The following KIF15 variants were observed in gnomAD, a reference collection of about 807,000 sequenced individuals.
KIF15 encodes the protein kinesin family member 15.
KIF15 carries 140 observed loss-of-function variants against 190.6 expected under a neutral mutation model. The ratio of observed to expected loss-of-function variants is 0.73; its 90% CI spans 0.64 to 0.84. The LOEUF is 0.84. KIF15 is among the 40% of genes least tolerant of loss of function. The pLI is 0.00. For missense variants in KIF15, 1,372 were observed against 1,584.4 expected, an observed-to-expected ratio of 0.87 and a Z score of 2.28; for synonymous variants, 528 against 551.3, an observed-to-expected ratio of 0.96 and a Z score of 0.59.
chr3:44,762,029 G>A (rs1456158762), intron 1 of KIF15, 145 bp downstream of exon 1: 3 of 984,860 alleles, frequency 3.0e-6, no homozygotes, highest in East Asian at 2.5e-5. Context: ...TGGGAATCCC[G>A]CTCTGTCGCT....
intron 8 of KIF15, 83 bp downstream of exon 8, chr3:44,794,509 G>GTCAATGAGGAACTGCATTTATGA (rs1478146704): frequency 9.9e-7 from 1 of 1,012,934 alleles, no homozygotes; most frequent in African/African-American, 1.6e-5. Context: ...CAGTGTCTCA[G>GTCAATGAGGAACTGCATTTATGA]TCAATGAGGA....
intron 8 of KIF15, among the ~76,000 whole-genome samples, chr3:44,794,978 C>G (rs980617540): frequency 6.6e-6 from 1 of 151,868 alleles, no homozygotes; most frequent in African/African-American, 2.4e-5. Context: ...AAAAATGTAT[C>G]CGTGTTGTTA....
chr3:44,805,773 A>G (rs769163022), intron 15 of KIF15, 72 bp from the exon 16 acceptor site: 78 of 1,355,890 alleles, frequency 5.8e-5, no homozygotes, highest in Non-Finnish European at 7.1e-5. Context: ...TGAGAGCATA[A>G]ACTGTAAAGT....
At chr3:44,827,062 C>T (rs765656361) in intron 22 of KIF15, 1 of 456,714 alleles carries the variant, frequency 2.2e-6, no homozygotes, top group East Asian at 6.9e-5. Flanking sequence ...GACATTTACT[C>T]ATTTATTCAA....
At chr3:44,776,244 T>C (rs1020903663) in intron 3 of KIF15, among the ~76,000 whole-genome samples, 47 of 151,936 alleles carry the variant, frequency 3.1e-4, no homozygotes, top group African/African-American at 1.1e-3. Context: ...AGCCTTCTTT[T>C]TTTTTTTTCC....
chr3:44,812,444 A>T (rs1363475258), intron 18 of KIF15, among the ~76,000 whole-genome samples, 155 bp downstream of exon 18: 1 of 152,182 alleles, frequency 6.6e-6, no homozygotes, highest in East Asian at 1.9e-4. Flanking sequence ...GGCCTTAGTG[A>T]AGGCTTATTT....
intron 1 of KIF15, among the ~76,000 whole-genome samples, chr3:44,770,816 C>T (rs1384044558): frequency 6.6e-6 from 1 of 152,188 alleles, no homozygotes; most frequent in African/African-American, 2.4e-5. Flanking sequence ...GTATACCTTA[C>T]TCAATTATTA....
At chr3:44,844,432 A>T (rs1333890149) in intron 30 of KIF15, among the ~76,000 whole-genome samples, 1 of 152,172 alleles carries the variant, frequency 6.6e-6, no homozygotes, top group South Asian at 2.1e-4. Flanking sequence ...CCTAGTTTTC[A>T]TATGCTCCAT....
At chr3:44,782,290 G>A (rs1481700075) in intron 5 of KIF15, among the ~76,000 whole-genome samples, 5 of 152,116 alleles carry the variant, frequency 3.3e-5, no homozygotes, top group African/African-American at 9.7e-5. Flanking sequence ...TCGAACTCCC[G>A]ACCTCAAGTG....
Position 44,826,055 on chromosome 3 carries a change from C to G in KIF15, c.2566C>G (p.Leu856Val). 1.3e-6 allele frequency: 2 copies of G among 1,581,162 alleles called. No homozygotes were observed. The highest frequency in any genetic ancestry group is 2.3e-5 in the East Asian group (1 of 44,206). The part of the protein sequence containing the change: ...LDNLRLENEK[L>V]LESKACLQDS... Reference sequence around the variant, plus strand: ...CTTATAAAGGTTAGAAAACGAAAAGCTGCTTGAGAGCAAAGCCTGCCTACA... The same window carrying G: ...CTTATAAAGGTTAGAAAACGAAAAGGTGCTTGAGAGCAAAGCCTGCCTACA... The change falls in exon 21 of 35, where the codon CTG (leucine) becomes GTG (valine). Residue 856 changes from leucine (L) to valine (V), a missense_variant. Physicochemically the swap from Leu to Val is conservative, Grantham distance 32 (BLOSUM62 1). Coordinates refer to ENST00000326047, the MANE Select transcript of KIF15 (RefSeq NM_020242.3).
At position 44,786,393 on chromosome 3, in the gene KIF15, A is replaced by G; in HGVS notation, c.460-2A>G. On this transcript the variant is annotated splice_acceptor_variant, in intron 6 of 34. Transcript: ENST00000326047. LOFTEE classifies it high-confidence loss of function. Reference sequence around the variant, plus strand: ...TATCTAAATGAGGCTTCTTTTTTACAGGCTGGAGCTGGAAAGAGTTTCCTT... The same window carrying G: ...TATCTAAATGAGGCTTCTTTTTTACGGGCTGGAGCTGGAAAGAGTTTCCTT... 2 of 1,591,482 alleles carry G rather than the reference A, an allele frequency of 1.3e-6. No homozygotes were observed. The highest frequency in any genetic ancestry group is 1.7e-6 in the Non-Finnish European group (2 of 1,167,044).
Position 44,800,373 on chromosome 3 carries a change from G to C in KIF15, c.1158G>C (p.Arg386Ser). 6.2e-7 allele frequency: 1 copy of C among 1,614,150 alleles called. No individual in the cohort carries two copies. The highest frequency in any genetic ancestry group is 8.5e-7 in the Non-Finnish European group (1 of 1,180,012). The change falls in exon 11 of 35, where the codon AGG (arginine) becomes AGC (serine). Residue 386 changes from arginine (R) to serine (S), a missense_variant. Arg to Ser is a moderately radical substitution (Grantham distance 110, BLOSUM62 -1). Transcript: ENST00000326047. ...GCCAGCTCCAAGCTGAAGTGAAGAG[G>C]CTCAAAGAACAACTGGCGGAGCTTG... is the stretch of plus-strand genomic sequence containing the variant. ...NVSQLQAEVKRLKEQLAELAS... is the reference protein window; with the variant it reads ...NVSQLQAEVKSLKEQLAELAS...
chr3:44,781,434 T>C (rs1475112728), intron 5 of KIF15, among the ~76,000 whole-genome samples: 1 of 152,240 alleles, frequency 6.6e-6, no homozygotes, highest in Non-Finnish European at 1.5e-5. Context: ...TAATATATTA[T>C]CGTATGAATA....
intron 13 of KIF15, 60 bp from the exon 14 acceptor site, chr3:44,802,754 A>G: frequency 6.9e-7 from 1 of 1,451,864 alleles, no homozygotes; most frequent in Non-Finnish European, 9.1e-7. Context: ...TTTTAGAGGA[A>G]CTAATTCACT....
rs1275091945 is a variant in KIF15, at chr3:44,866,789, A to G, written c.*60-6540A>G. Among the ~76,000 whole-genome samples the G allele has an allele frequency of 2.0e-5, 3 of 152,146 alleles. No individual in the cohort carries two copies. The East Asian group carries it at 5.8e-4, about 29-fold the overall frequency. On this transcript the variant is annotated intron_variant and NMD_transcript_variant, in intron 6 of 6. Coordinates refer to the KIF15 transcript ENST00000422209. ...GAGTTCTCTTCCGCAATGACTCCTT[A>G]GTACCCATCTCCCTCATGCTAGCCC... is the stretch of plus-strand genomic sequence containing the variant.
rs1047407041 is a variant in KIF15 at position 44,815,110 on chromosome 3, G to C, written c.2549+34G>C. ...GTTCTTTTATGGTTTCAAGTTGCCT[G>C]ATTGGCTGTAACCTACGACTGTTTG... is the stretch of plus-strand genomic sequence containing the variant. On this transcript the variant is annotated intron_variant, in intron 20 of 34. Coordinates refer to ENST00000326047, the MANE Select transcript of KIF15 (RefSeq NM_020242.3). 5 of 1,510,372 alleles carry C rather than the reference G, an allele frequency of 3.3e-6. No individual in the cohort carries two copies. The East Asian group carries it at 7.2e-5, about 22-fold the overall frequency. 93.6% of individuals were successfully genotyped at this position (1,510,372 alleles called of 1,614,324 possible).
chr3:44,829,740 T>TATTATAG (rs1697959914), intron 24 of KIF15, among the ~76,000 whole-genome samples: 1 of 135,698 alleles, frequency 7.4e-6, no homozygotes, highest in Non-Finnish European at 1.5e-5. Flanking sequence ...ATATATTATA[T>TATTATAG]ATGTATATAT....
Position 44,848,012 on chromosome 3 carries a change from G to A in KIF15, c.3723G>A (p.Gln1241=), listed in dbSNP as rs903331478. ...ATCAGAATCATCCAGATAATCAACA[G>A]CTGAAGAATGAACAAGAAGAAAGTA... ...NSDQNHPDNQ[Q]LKNEQEESIK... is the part of the protein sequence containing the mutation. The change falls in exon 31 of 35, where the codon CAG becomes CAA. Residue 1241 remains glutamine, a synonymous_variant. Coordinates refer to ENST00000326047, the MANE Select transcript of KIF15 (RefSeq NM_020242.3). 6.2e-7 allele frequency: 1 copy of A among 1,611,562 alleles called. No homozygotes were observed.
chr3:44,804,924 G>A (rs1255833533), intron 14 of KIF15, 103 bp from the exon 15 acceptor site: 9 of 1,236,450 alleles, frequency 7.3e-6, no homozygotes, highest in Non-Finnish European at 1.0e-5. Context: ...AGTACACTAT[G>A]ATCATGCTTG....
Sources: gnomAD v4.1 joint callset for allele counts (sites outside exome capture counted in the v4.1 genomes callset) on GRCh38, gnomAD v4.1.1 for gene constraint, MANE v1.5 for transcripts, NCBI Gene and HGNC (gene_info 2026-07-23, HGNC 2026-07-21) for gene names.